Variants in VTI1A observed in about 807,000 individuals in gnomAD.
The protein encoded by VTI1A is vesicle transport through interaction with t-SNAREs homolog 1A.
VTI1A carries 22 observed loss-of-function variants against 34.9 expected under a neutral mutation model. The ratio of observed to expected loss-of-function variants is 0.63; its 90% confidence interval spans 0.45 to 0.90. The LOEUF (loss-of-function observed/expected upper bound fraction) is 0.90, where lower values mean the gene tolerates loss of function less well. Among genes scored for constraint, VTI1A ranks in the 40% least tolerant of loss-of-function variants. VTI1A has a pLI of 0.00. For missense variants in VTI1A, 268 were observed against 275.6 expected, an observed-to-expected ratio of 0.97 and a Z score of 0.20; for synonymous variants, 87 against 97.3, an observed-to-expected ratio of 0.89 and a Z score of 0.62.
chr10:112,835,975 T>C, the VTI1A span, among the ~76,000 whole-genome samples: 1 of 152,188 alleles, frequency 6.6e-6, no homozygotes, highest in Non-Finnish European at 1.5e-5. Context: ...TGCTTCCCAT[T>C]GATCAAAAAC....
chr10:112,709,682 C>CTTTTTTTT (rs57081938), intron 7 of VTI1A, among the ~76,000 whole-genome samples: 1 of 70,284 alleles, frequency 1.4e-5, no homozygotes, highest in Non-Finnish European at 2.6e-5. Flanking sequence ...CTCTATGTGG[C>CTTTTTTTT]TTTTTTTTTT....
chr10:112,463,310 A>G (rs1847790362), intron 2 of VTI1A, among the ~76,000 whole-genome samples: 1 of 152,088 alleles, frequency 6.6e-6, no homozygotes, highest in Admixed American at 6.5e-5. Flanking sequence ...ATCACTTGCA[A>G]TCATCGTTAC....
chr10:112,796,526 A>C (rs1852683098), intron 7 of VTI1A, among the ~76,000 whole-genome samples: 1 of 152,166 alleles, frequency 6.6e-6, no homozygotes, highest in East Asian at 1.9e-4. Context: ...GTCTAAGAGC[A>C]ATTCAAGTAA....
At chr10:112,819,200 A>G (rs1853605105), downstream of VTI1A, among the ~76,000 whole-genome samples, 1 of 152,220 alleles carries the variant, frequency 6.6e-6, no homozygotes, top group African/African-American at 2.4e-5. Flanking sequence ...GTAAATATTA[A>G]TAGCAGTTTG....
intron 5 of VTI1A, among the ~76,000 whole-genome samples, chr10:112,594,630 A>G (rs1844545771): frequency 1.3e-5 from 2 of 152,094 alleles, no homozygotes; most frequent in African/African-American, 2.4e-5. Flanking sequence ...TTCAAGGAGA[A>G]CTACAAACCA....
At chr10:112,527,256 T>G (rs1850266308) in intron 4 of VTI1A, 92 bp downstream of exon 4, 9 of 1,044,274 alleles carry the variant, frequency 8.6e-6, no homozygotes, top group African/African-American at 1.6e-5. Flanking sequence ...TTAACGGTAT[T>G]AGCAGCAACT....
chr10:112,686,283 T>C (rs1848409021), intron 7 of VTI1A, among the ~76,000 whole-genome samples: 1 of 152,190 alleles, frequency 6.6e-6, no homozygotes, highest in African/African-American at 2.4e-5. Context: ...AATCCTAGGC[T>C]CTGGCAGTTT....
At chr10:112,470,071 C>T (rs1374930162) in intron 3 of VTI1A, among the ~76,000 whole-genome samples, 3 of 152,172 alleles carry the variant, frequency 2.0e-5, no homozygotes, top group Non-Finnish European at 2.9e-5. Flanking sequence ...TGTTGTCCAA[C>T]TTTGGAAAAT....
At chr10:112,775,163 A>G (rs560220316) in intron 7 of VTI1A, among the ~76,000 whole-genome samples, 2 of 152,228 alleles carry the variant, frequency 1.3e-5, no homozygotes, top group Non-Finnish European at 2.9e-5. Flanking sequence ...CTTAGCATTT[A>G]GAAAGACCTT....
rs1488584237 is a variant in VTI1A at position 112,811,546 on chromosome 10, T to C, written c.561-3744T>C. Among the ~76,000 whole-genome samples the C allele has an allele frequency of 3.3e-5, 5 of 150,762 alleles. No individual in the cohort carries two copies. The East Asian group carries it at 7.8e-4, about 23-fold the overall frequency. On this transcript the variant is annotated intron_variant, in intron 7 of 7. Transcript: ENST00000393077. ...AAATACAAAAAAAATTAGCCGGGCG[T>C]GGTGGCGGGCGCCTGTAGTCCCAGC... is the stretch of plus-strand genomic sequence containing the variant.
chr10:112,684,866 G>A (rs1027504896), intron 7 of VTI1A, among the ~76,000 whole-genome samples: 5 of 152,046 alleles, frequency 3.3e-5, no homozygotes, highest in Non-Finnish European at 5.9e-5. Context: ...TTCTATATAG[G>A]AACTGCCACC....
intron 7 of VTI1A, among the ~76,000 whole-genome samples, chr10:112,784,500 T>G (rs1235170151): frequency 6.6e-6 from 1 of 152,224 alleles, no homozygotes; most frequent in Non-Finnish European, 1.5e-5. Flanking sequence ...TGCAGCATGT[T>G]GACAAACTCA....
At chr10:112,824,252 A>G in the VTI1A span, 1 of 152,248 alleles carries the variant, frequency 6.6e-6, no homozygotes, top group South Asian at 2.1e-4. Context: ...TTCTCCAGTT[A>G]CTTTTTTATT....
intron 7 of VTI1A, among the ~76,000 whole-genome samples, chr10:112,796,228 G>T (rs1852669003): frequency 6.6e-6 from 1 of 151,940 alleles, no homozygotes; most frequent in Non-Finnish European, 1.5e-5. Flanking sequence ...ATGAAACCCT[G>T]TCTCTACTAA....
At chr10:112,621,561 G>T (rs914567361) in intron 5 of VTI1A, among the ~76,000 whole-genome samples, 2 of 152,102 alleles carry the variant, frequency 1.3e-5, no homozygotes, top group African/African-American at 4.8e-5. Flanking sequence ...GCCAAGAAAA[G>T]AGCAAAAATT....
At chr10:112,799,840 CAG>C (rs1402004054) in intron 7 of VTI1A, among the ~76,000 whole-genome samples, 2 of 152,276 alleles carry the variant, frequency 1.3e-5, no homozygotes, top group African/African-American at 2.4e-5. Context: ...ACTAAGAAAA[CAG>C]AGCAGCCCAG....
chr10:112,463,254 G>A (rs1010356763), intron 2 of VTI1A, among the ~76,000 whole-genome samples: 2 of 152,132 alleles, frequency 1.3e-5, no homozygotes, highest in African/African-American at 4.8e-5. Flanking sequence ...GCAACTACAA[G>A]TAAGCCACTT....
At chr10:112,571,639 T>A (rs1446186614) in intron 5 of VTI1A, among the ~76,000 whole-genome samples, 2 of 152,168 alleles carry the variant, frequency 1.3e-5, no homozygotes, top group East Asian at 3.9e-4. Flanking sequence ...TTACTGGATA[T>A]GTATATATCC....
chr10:112,798,531 T>C (rs1320564171), intron 7 of VTI1A, among the ~76,000 whole-genome samples: 1 of 152,172 alleles, frequency 6.6e-6, no homozygotes, highest in East Asian at 1.9e-4. Context: ...TGACTTAGTC[T>C]GTATGAAGAT....
Sources: allele counts gnomAD v4.1 joint callset (sites outside exome capture counted in the v4.1 genomes callset), GRCh38; gene constraint gnomAD v4.1.1; transcripts MANE v1.5; gene names NCBI Gene and HGNC (gene_info 2026-07-23, HGNC 2026-07-21).